Variants in ERO1A observed in about 807,000 individuals in gnomAD.
ERO1A encodes endoplasmic reticulum oxidoreductase 1 alpha.
ERO1A carries 49 observed loss-of-function variants against 76.9 expected under a neutral mutation model. That is an observed-to-expected ratio of 0.64 (90% CI 0.51 to 0.81). The LOEUF (loss-of-function observed/expected upper bound fraction) is 0.81. ERO1A is among the 30% of genes least tolerant of loss of function. The pLI is 0.00. For synonymous variants in ERO1A, 174 were observed against 181.2 expected (o/e 0.96, Z 0.32); for missense variants, 448 against 542.1 (o/e 0.83, Z 1.72).
chr14:52,663,366 G>A (rs1479372332), intron 8 of ERO1A, among the ~76,000 whole-genome samples: 3 of 152,006 alleles, frequency 2.0e-5, no homozygotes, highest in African/African-American at 4.8e-5. Flanking sequence ...TTCGGAGGCC[G>A]AGGCGGGTGG....
intron 4 of ERO1A, among the ~76,000 whole-genome samples, chr14:52,675,358 G>C (rs937230463): frequency 3.3e-5 from 5 of 151,376 alleles, no homozygotes; most frequent in Non-Finnish European, 5.9e-5. Context: ...ACTCCAGACT[G>C]TGGACAACAA....
Position 52,646,149 on chromosome 14 carries a change from C to G in ERO1A, c.1346+5G>C. On this transcript the variant is annotated splice_donor_5th_base_variant and intron_variant, in intron 15 of 15. Coordinates refer to ENST00000395686, the MANE Select transcript of ERO1A (RefSeq NM_014584.3). ...CCAGAAGCATTTCAGTACATTCAAA[C>G]TAACCTTCCAAATGCGTTGAATAAT... 6.2e-7 allele frequency: 1 copy of G among 1,606,570 alleles called. No individual in the cohort carries two copies. Among genetic ancestry groups the G allele is most frequent in the Non-Finnish European group, 8.5e-7 (1 of 1,176,618 alleles).
At chr14:52,651,407 C>T (rs1048015101) in intron 13 of ERO1A, among the ~76,000 whole-genome samples, 2 of 152,116 alleles carry the variant, frequency 1.3e-5, no homozygotes, top group Admixed American at 6.6e-5. Flanking sequence ...TAGACTAATA[C>T]GCTACTCATG....
At chr14:52,650,503 A>G (rs933458986) in intron 13 of ERO1A, among the ~76,000 whole-genome samples, 1 of 150,492 alleles carries the variant, frequency 6.6e-6, no homozygotes, top group Admixed American at 6.6e-5. Flanking sequence ...AAAAAAAAAA[A>G]CTACTCAATA....
At chr14:52,653,423 G>A in intron 11 of ERO1A, 108 bp from the exon 12 acceptor site, 4 of 817,806 alleles carry the variant, frequency 4.9e-6, no homozygotes, top group Non-Finnish European at 7.1e-6. Context: ...TGCATTTTAA[G>A]TTATATAATA....
At chr14:52,652,373 A>G (rs778379957) in intron 12 of ERO1A, 65 bp from the exon 13 acceptor site, 9 of 1,046,514 alleles carry the variant, frequency 8.6e-6, no homozygotes, top group Non-Finnish European at 1.3e-5. Flanking sequence ...CTGCTAATAC[A>G]ACATTTTACT....
rs940223894 is a variant in ERO1A, at chr14:52,642,606, A to G, written c.*964T>C. On this transcript the variant is annotated 3_prime_UTR_variant, in exon 16 of 16. Coordinates refer to ENST00000395686, the MANE Select transcript of ERO1A (RefSeq NM_014584.3). ...GGGTTTAAGGGGCATGATGCCTATA[A>G]CTGACTTTCAAATGATTGAGGAAAA... 1 of 152,436 alleles carries G rather than the reference A, an allele frequency of 6.6e-6. No individual in the cohort carries two copies. The highest frequency in any genetic ancestry group is 1.5e-5 in the Non-Finnish European group (1 of 68,000). 9.4% of individuals were successfully genotyped at this position (152,436 alleles called of 1,614,324 possible). A position where few individuals can be genotyped will look rare whatever the true frequency, so the allele number is the denominator to read the frequency against.
At chr14:52,661,381 A>C in intron 8 of ERO1A, 77 bp from the exon 9 acceptor site, 1 of 1,201,460 alleles carries the variant, frequency 8.3e-7, no homozygotes, top group Non-Finnish European at 1.1e-6. Context: ...TTTCATAAAA[A>C]TAAGACTTTA....
intron 15 of ERO1A, among the ~76,000 whole-genome samples, chr14:52,643,972 T>C (rs551318977): frequency 9.9e-5 from 15 of 152,026 alleles, no homozygotes; most frequent in Middle Eastern, 6.8e-3. Context: ...ACCTGGTCTC[T>C]ACAAAAAAAA....
intron 15 of ERO1A, among the ~76,000 whole-genome samples, chr14:52,645,876 AC>A (rs1233298821): frequency 6.7e-6 from 1 of 149,492 alleles, no homozygotes; most frequent in Non-Finnish European, 1.5e-5. Flanking sequence ...ACACACACAC[AC>A]ACACACAAAT....
chr14:52,669,518 A>G (rs1029450381), intron 6 of ERO1A, among the ~76,000 whole-genome samples: 16 of 152,114 alleles, frequency 1.1e-4, no homozygotes, highest in African/African-American at 3.6e-4. Context: ...CCCTCATCCA[A>G]CATGCCTGGG....
Position 52,673,066 on chromosome 14 carries a change from C to T in ERO1A, c.358-1195G>A, listed in dbSNP as rs181655939. Among the ~76,000 whole-genome samples the T allele has an allele frequency of 3.0e-4, 46 of 151,814 alleles. No homozygotes were observed. In the East Asian group the frequency reaches 4.6e-3, roughly 15 times the overall value. On this transcript the variant is annotated intron_variant, in intron 4 of 15. Coordinates refer to ENST00000395686, the MANE Select transcript of ERO1A (RefSeq NM_014584.3). ...TTTTTGTAGGTATAAATTTAAAGGCCTTTGTTTACAAGCTTTGTTATAATG... is the reference window on the plus strand; with the variant it reads ...TTTTTGTAGGTATAAATTTAAAGGCTTTTGTTTACAAGCTTTGTTATAATG...
Position 52,640,131 on chromosome 14 carries a change from G to T in ERO1A, c.*3439C>A, listed in dbSNP as rs2039423565. 1 of 152,124 alleles carries T rather than the reference G, an allele frequency of 6.6e-6. No homozygotes were observed. Among genetic ancestry groups the T allele is most frequent in the Admixed American group, 6.5e-5 (1 of 15,270 alleles). 9.4% of individuals were successfully genotyped at this position (152,124 alleles called of 1,614,324 possible). On this transcript the variant is annotated 3_prime_UTR_variant, in exon 16 of 16. Coordinates refer to ENST00000395686, the MANE Select transcript of ERO1A (RefSeq NM_014584.3). ...CTATGGAGATGCAAAAAATAAAAAG[G>T]TTCCTTTTCCTGCCCTTAAGGAGCT...
chr14:52,661,064 G>T (rs2040217339), intron 9 of ERO1A, among the ~76,000 whole-genome samples: 1 of 152,192 alleles, frequency 6.6e-6, no homozygotes, highest in African/African-American at 2.4e-5. Context: ...GAGGTAAAAT[G>T]TGCAAATGAA....
In ERO1A at chr14:52,695,352, C is replaced by T. The variant is rs2041518158; in HGVS notation, c.114+16G>A. ...AGGGCGCCGGGACCCTCAGCACCAA[C>T]GCGCACATCGCTCACCTGGCAGAAG... On this transcript the variant is annotated intron_variant, in intron 1 of 15. Transcript: ENST00000395686. 85 of 1,420,162 alleles carry T rather than the reference C, an allele frequency of 6.0e-5. No individual in the cohort carries two copies. Among genetic ancestry groups the T allele is most frequent in the Non-Finnish European group, 7.7e-5 (83 of 1,073,186 alleles). The allele number at this position is 1,420,162 out of a possible 1,614,324, so 88.0% of individuals were successfully genotyped here.
In ERO1A at chr14:52,671,507, G is replaced by C. The variant is rs1594829160; in HGVS notation, c.508+123C>G. The C allele has an allele frequency of 1.3e-5, 8 of 602,978 alleles. No homozygotes were observed. In the South Asian group the frequency reaches 2.2e-4, roughly 16 times the overall value. 37.4% of individuals were successfully genotyped at this position (602,978 alleles called of 1,614,324 possible). A position where few individuals can be genotyped will look rare whatever the true frequency, so the allele number is the denominator to read the frequency against. On this transcript the variant is annotated intron_variant, in intron 6 of 15. Transcript: ENST00000395686. ...ATACCTGGGCTCCAGTGATTCTCCT[G>C]CCTCAGCCTCCAGATAAGCTGGGAC...
Position 52,658,129 on chromosome 14 carries a change from A to G in ERO1A, c.710T>C (p.Leu237Pro). Residue 237 changes from leucine to proline, a missense_variant, in exon 10 of 16, where the codon CTA becomes CCA. Physicochemically the swap from Leu to Pro is moderately conservative, Grantham distance 98. Coordinates refer to ENST00000395686, the MANE Select transcript of ERO1A (RefSeq NM_014584.3). ...TSEENTFYSW[L>P]EGLCVEKRAF... is the part of the protein sequence containing the mutation. ...ATTTTAAAGTTTCTAATTACCTTCT[A>G]GCCAACTGTAAAAAGTGTTCTCTGA... The G allele has an allele frequency of 1.3e-6, 2 of 1,507,480 alleles. No individual in the cohort carries two copies. Among genetic ancestry groups the G allele is most frequent in the Non-Finnish European group, 1.8e-6 (2 of 1,095,364 alleles). 93.4% of individuals were successfully genotyped at this position (1,507,480 alleles called of 1,614,324 possible).
chr14:52,647,035 G>T (rs1390715522), intron 13 of ERO1A: 1 of 139,456 alleles, frequency 7.2e-6, no homozygotes, highest in Non-Finnish European at 1.5e-5. Context: ...GGAGTGCAGT[G>T]GGGGAATCTC....
intron 7 of ERO1A, among the ~76,000 whole-genome samples, chr14:52,665,617 C>T (rs1046877373): frequency 4.7e-5 from 7 of 150,508 alleles, no homozygotes; most frequent in South Asian, 2.1e-4. Context: ...ATAATGTGCT[C>T]GCACATACAT....
Sources: allele counts gnomAD v4.1 joint callset (sites outside exome capture counted in the v4.1 genomes callset), GRCh38; gene constraint gnomAD v4.1.1; transcripts MANE v1.5; gene names NCBI Gene and HGNC (gene_info 2026-07-23, HGNC 2026-07-21).